The following ENTREP2 variants were observed in gnomAD, a reference collection of about 807,000 sequenced individuals.
ENTREP2 encodes the protein endosomal transmembrane epsin interactor 2, also known as protein ENTREP2.
At chr15:29,196,365 G>C in the ENTREP2 span, 1 of 1,516,534 alleles carries the variant, frequency 6.6e-7, no homozygotes, top group Non-Finnish European at 8.9e-7. Flanking sequence ...TGTTAATAAG[G>C]CTTCCTAAAC....
the ENTREP2 span, among the ~76,000 whole-genome samples, chr15:29,568,283 A>G: frequency 6.6e-6 from 1 of 152,212 alleles, no homozygotes; most frequent in Admixed American, 6.5e-5. Context: ...TCATCTTATA[A>G]TCTCCAAAAT....
the ENTREP2 span, chr15:29,267,167 TCA>T: frequency 6.6e-6 from 1 of 152,210 alleles, no homozygotes; most frequent in Admixed American, 6.5e-5. Flanking sequence ...TCCTCCATAC[TCA>T]CTATAGACTC....
At chr15:29,326,146 C>A in the ENTREP2 span, among the ~76,000 whole-genome samples, 6,189 of 152,166 alleles carry the variant, frequency 0.041, 406 homozygotes, top group African/African-American at 0.14. Flanking sequence ...AAATACTGCA[C>A]ACTTTCCCCC....
At chr15:29,162,411 C>A in the ENTREP2 span, among the ~76,000 whole-genome samples, 10 of 152,094 alleles carry the variant, frequency 6.6e-5, no homozygotes, top group Non-Finnish European at 1.2e-4. Flanking sequence ...TAGCCTGAGG[C>A]AAGTTCTCAA....
At chr15:29,656,864 T>C in the ENTREP2 span, among the ~76,000 whole-genome samples, 1 of 152,208 alleles carries the variant, frequency 6.6e-6, no homozygotes, top group Non-Finnish European at 1.5e-5. Context: ...CCAAGTGAAC[T>C]GAAAACTCAT....
the ENTREP2 span, among the ~76,000 whole-genome samples, chr15:29,533,510 G>T: frequency 6.6e-6 from 1 of 152,124 alleles, no homozygotes; most frequent in Non-Finnish European, 1.5e-5. Context: ...ATATTTCTAA[G>T]CTTCCACCTG....
At chr15:29,311,923 G>A in the ENTREP2 span, among the ~76,000 whole-genome samples, 3 of 152,120 alleles carry the variant, frequency 2.0e-5, no homozygotes, top group Non-Finnish European at 4.4e-5. Flanking sequence ...AGTCCATCCT[G>A]TTAACAGAGC....
the ENTREP2 span, among the ~76,000 whole-genome samples, chr15:29,336,005 G>T: frequency 3.5e-4 from 53 of 151,938 alleles, no homozygotes; most frequent in African/African-American, 1.2e-3. Context: ...AGCCGGGCCT[G>T]GTGTCGGGCG....
chr15:29,493,655 A>G, the ENTREP2 span, among the ~76,000 whole-genome samples: 1 of 150,554 alleles, frequency 6.6e-6, no homozygotes, highest in East Asian at 1.9e-4. Flanking sequence ...TAAACAGAAT[A>G]TAGATAGATA....
chr15:29,542,151 T>C, the ENTREP2 span, among the ~76,000 whole-genome samples: 2 of 152,206 alleles, frequency 1.3e-5, no homozygotes, highest in Non-Finnish European at 1.5e-5. Flanking sequence ...TAGCTGGGAT[T>C]ACAGGCGTGT....
chr15:29,211,660 C>T, the ENTREP2 span, among the ~76,000 whole-genome samples: 11 of 152,046 alleles, frequency 7.2e-5, no homozygotes, highest in Admixed American at 5.9e-4. Flanking sequence ...CTTTGTATCC[C>T]GATTTTGCCG....
the ENTREP2 span, among the ~76,000 whole-genome samples, chr15:29,278,537 G>A: frequency 6.6e-6 from 1 of 152,212 alleles, no homozygotes; most frequent in East Asian, 1.9e-4. Flanking sequence ...TGGGCTCCAA[G>A]AGGCCCTTCA....
the ENTREP2 span, among the ~76,000 whole-genome samples, chr15:29,442,069 T>C: frequency 2.0e-5 from 3 of 152,208 alleles, no homozygotes; most frequent in Admixed American, 2.0e-4. Context: ...CCTCTGTTGC[T>C]GTTGTCCCCC....
chr15:29,272,808 G>C, the ENTREP2 span, among the ~76,000 whole-genome samples: 2 of 152,160 alleles, frequency 1.3e-5, no homozygotes, highest in African/African-American at 4.8e-5. Context: ...GCATGATCCA[G>C]GGTAGGAGTT....
chr15:29,582,827 T>C, the ENTREP2 span, among the ~76,000 whole-genome samples: 2 of 152,014 alleles, frequency 1.3e-5, no homozygotes, highest in Non-Finnish European at 2.9e-5. Context: ...GATTTTTGTA[T>C]TTTTAGTAGA....
chr15:29,541,238 C>A, the ENTREP2 span, among the ~76,000 whole-genome samples: 2 of 152,172 alleles, frequency 1.3e-5, no homozygotes, highest in Admixed American at 6.5e-5. Context: ...CAACAACTGA[C>A]CCGGAGCACA....
At chr15:29,257,490 G>C in the ENTREP2 span, among the ~76,000 whole-genome samples, 5 of 152,206 alleles carry the variant, frequency 3.3e-5, no homozygotes, top group South Asian at 1.0e-3. Context: ...TCTTTTTATA[G>C]GTTTCCCAGC....
chr15:29,287,835 G>C, the ENTREP2 span, among the ~76,000 whole-genome samples: 2,440 of 152,324 alleles, frequency 0.016, 40 homozygotes, highest in South Asian at 0.067. Context: ...TGATGTTATA[G>C]ATACCAAGTC....
chr15:29,661,825 A>G, the ENTREP2 span, among the ~76,000 whole-genome samples: 5 of 152,182 alleles, frequency 3.3e-5, no homozygotes, highest in African/African-American at 9.7e-5. Context: ...TTCCATTTCA[A>G]TACAAACGTA....
Sources: allele counts gnomAD v4.1 joint callset (sites outside exome capture counted in the v4.1 genomes callset), GRCh38; gene constraint gnomAD v4.1.1; transcripts MANE v1.5; gene names NCBI Gene and HGNC (gene_info 2026-07-23, HGNC 2026-07-21).